Variants in PLAAT4 observed in about 807,000 individuals in gnomAD.
The protein encoded by PLAAT4 is HRAS-like suppressor 4.
Under a neutral mutation model 14.1 loss-of-function variants are expected in PLAAT4, and 12 were observed. The ratio of observed to expected loss-of-function variants is 0.85; its 90% CI spans 0.54 to 1.37. The LOEUF (loss-of-function observed/expected upper bound fraction) is 1.37. Among genes scored for constraint, PLAAT4 ranks in the 40% most tolerant of loss-of-function variants. The pLI, the probability that PLAAT4 is intolerant of heterozygous loss-of-function variation, is 0.00. For missense variants in PLAAT4, 163 were observed against 211.7 expected (o/e 0.77, Z 1.43); for synonymous variants, 77 against 79.8 (o/e 0.96, Z 0.19).
Position 63,546,214 on chromosome 11 carries a change from C to A in PLAAT4, c.453C>A (p.Cys151Ter). The stretch of plus-strand genomic sequence containing the variant: ...TTGGAATCCTGGTTGTTGCTGGATG[C>A]TCTTTTGCGATTAGGAGATACCAAA... The part of the protein sequence containing the change: ...TALGILVVAG[C>*]SFAIRRYQKK... Residue 151 changes from cysteine (C) to a stop codon, truncating the protein, a stop_gained, in exon 4 of 4, where the codon TGC (cysteine) becomes TGA (stop). Transcript: ENST00000255688. LOFTEE classifies it low-confidence loss of function (END_TRUNC). 1 of 1,613,424 alleles carries A rather than the reference C, an allele frequency of 6.2e-7. No individual in the cohort carries two copies. The highest frequency in any genetic ancestry group is 8.5e-7 in the Non-Finnish European group (1 of 1,179,608).
At chr11:63,543,522 C>G (rs2017338093) in intron 2 of PLAAT4, among the ~76,000 whole-genome samples, 1 of 152,224 alleles carries the variant, frequency 6.6e-6, no homozygotes, top group Non-Finnish European at 1.5e-5. Flanking sequence ...CCAGGCTGGT[C>G]TCGAACTCCT....
chr11:63,539,953 C>T (rs1359024342), intron 2 of PLAAT4, among the ~76,000 whole-genome samples: 2 of 152,208 alleles, frequency 1.3e-5, no homozygotes, highest in African/African-American at 4.8e-5. Context: ...AAGAGCAAAA[C>T]TTGATCTCAA....
chr11:63,539,422 A>G, intron 1 of PLAAT4, 94 bp from the exon 2 acceptor site: 1 of 987,816 alleles, frequency 1.0e-6, no homozygotes, highest in Non-Finnish European at 1.6e-6. Context: ...GAACATCAGC[A>G]AGGCGTCTCC....
intron 3 of PLAAT4, among the ~76,000 whole-genome samples, 177 bp from the exon 4 acceptor site, chr11:63,545,972 C>T (rs1395472245): frequency 6.6e-6 from 1 of 152,134 alleles, no homozygotes; most frequent in Non-Finnish European, 1.5e-5. Context: ...GGGATACAAC[C>T]AACGGCTTCT....
intron 2 of PLAAT4, among the ~76,000 whole-genome samples, chr11:63,541,658 T>C (rs530410866): frequency 6.6e-6 from 1 of 151,814 alleles, no homozygotes; most frequent in East Asian, 1.9e-4. Flanking sequence ...ATAAATGGTA[T>C]GAATATATAT....
At chr11:63,543,337 A>G (rs1204734499) in intron 2 of PLAAT4, among the ~76,000 whole-genome samples, 2 of 152,238 alleles carry the variant, frequency 1.3e-5, no homozygotes, top group Admixed American at 6.5e-5. Context: ...TGCAAACCCC[A>G]TTGGGAACTG....
chr11:63,545,545 G>A (rs151333208), intron 3 of PLAAT4, among the ~76,000 whole-genome samples: 37 of 152,276 alleles, frequency 2.4e-4, no homozygotes, highest in African/African-American at 6.5e-4. Flanking sequence ...AGAGTTTGGC[G>A]TGGCATGTGA....
intron 2 of PLAAT4, among the ~76,000 whole-genome samples, chr11:63,540,037 T>C (rs749348705): frequency 3.9e-5 from 6 of 152,218 alleles, no homozygotes; most frequent in Non-Finnish European, 7.3e-5. Flanking sequence ...GGAGACACAT[T>C]CTTCTTAGAG....
At chr11:63,539,411 T>C (rs2017302497) in intron 1 of PLAAT4, 105 bp from the exon 2 acceptor site, 3 of 897,272 alleles carry the variant, frequency 3.3e-6, no homozygotes, top group African/African-American at 1.6e-5. Context: ...TAGCAGCTGA[T>C]GAACATCAGC....
chr11:63,546,116 G>A (rs754401408), intron 3 of PLAAT4, 33 bp from the exon 4 acceptor site: 9 of 1,580,622 alleles, frequency 5.7e-6, no homozygotes, highest in African/African-American at 2.7e-5. Flanking sequence ...CTGGCTTGCC[G>A]TGAACGCTCA....
intron 2 of PLAAT4, 69 bp downstream of exon 2, chr11:63,539,693 G>C: frequency 1.6e-6 from 2 of 1,235,472 alleles, no homozygotes; most frequent in Non-Finnish European, 2.3e-6. Context: ...CGGGCACGGT[G>C]GCTCATGCCT....
rs920316499 is a variant in PLAAT4, at chr11:63,544,495, C to T, written c.119-126C>T. ...ACTCCATCAAAATAAAAAAAAAAAGCAAAATCTGTGAATCCTTCAATCACA... is the reference window on the plus strand; with the variant it reads ...ACTCCATCAAAATAAAAAAAAAAAGTAAAATCTGTGAATCCTTCAATCACA... On this transcript the variant is annotated intron_variant, in intron 2 of 3. Transcript: ENST00000255688. 30 of 1,268,144 alleles carry T rather than the reference C, an allele frequency of 2.4e-5. No individual in the cohort carries two copies. In the African/African-American group the frequency reaches 4.2e-4, roughly 18 times the overall value. 78.6% of individuals were successfully genotyped at this position (1,268,144 alleles called of 1,614,324 possible). A position where few individuals can be genotyped will look rare whatever the true frequency, so the allele number is the denominator to read the frequency against.
At position 63,539,548 on chromosome 11, in the gene PLAAT4, T is replaced by A. The variant is rs1213194204; in HGVS notation, c.42T>A (p.Ile14=). ...PHQEPKPGDL[I]EIFRLGYEHW... ...AAGAGCCCAAACCTGGAGACCTGATTGAGATTTTCCGCCTTGGCTATGAGC... is the reference window on the plus strand; with the variant it reads ...AAGAGCCCAAACCTGGAGACCTGATAGAGATTTTCCGCCTTGGCTATGAGC... Residue 14 remains isoleucine, a synonymous_variant, in exon 2 of 4, where the codon ATT becomes ATA. Coordinates refer to ENST00000255688, the MANE Select transcript of PLAAT4 (RefSeq NM_004585.5). 1.9e-6 allele frequency: 3 copies of A among 1,610,038 alleles called. No individual in the cohort carries two copies. The highest frequency in any genetic ancestry group is 2.7e-5 in the African/African-American group (2 of 74,852).
chr11:63,537,218 G>A (rs956187711), intron 1 of PLAAT4, among the ~76,000 whole-genome samples: 1 of 152,112 alleles, frequency 6.6e-6, no homozygotes, highest in Non-Finnish European at 1.5e-5. Context: ...TGGGAAGCAA[G>A]CAAATCCCAA....
intron 1 of PLAAT4, among the ~76,000 whole-genome samples, chr11:63,539,093 C>CTG (rs1195968777): frequency 6.6e-6 from 1 of 152,164 alleles, no homozygotes; most frequent in Non-Finnish European, 1.5e-5. Context: ...TGATGAGGAA[C>CTG]TGAGGGTCAG....
rs1436380970 is a variant in PLAAT4, at chr11:63,545,171, A to G, written c.387+282A>G. 5.0e-6 allele frequency: 3 copies of G among 594,070 alleles called. No individual in the cohort carries two copies. The East Asian group carries it at 8.3e-5, about 16-fold the overall frequency. The allele number at this position is 594,070 out of a possible 1,614,324, so 36.8% of individuals were successfully genotyped here. A position where few individuals can be genotyped will look rare whatever the true frequency, so the allele number is the denominator to read the frequency against. ...AACCTATCCTGAAAATGGCTCCTGA[A>G]GTTCTGGGGGTCATCAGGAGAATCT... On this transcript the variant is annotated intron_variant, in intron 3 of 3. Coordinates refer to ENST00000255688, the MANE Select transcript of PLAAT4 (RefSeq NM_004585.5).
intron 2 of PLAAT4, among the ~76,000 whole-genome samples, chr11:63,544,134 A>G (rs1210690486): frequency 6.6e-6 from 1 of 152,228 alleles, no homozygotes; most frequent in East Asian, 1.9e-4. Flanking sequence ...TGAACAGGTA[A>G]TAAATATGCT....
chr11:63,543,446 T>C (rs768259837), intron 2 of PLAAT4, among the ~76,000 whole-genome samples: 5 of 152,226 alleles, frequency 3.3e-5, no homozygotes, highest in African/African-American at 4.8e-5. Flanking sequence ...GACGAGATGA[T>C]AGGCGTGTGC....
At chr11:63,540,525 G>T (rs2017313009) in intron 2 of PLAAT4, among the ~76,000 whole-genome samples, 1 of 144,010 alleles carries the variant, frequency 6.9e-6, no homozygotes, top group Non-Finnish European at 1.5e-5. Flanking sequence ...CCAATGAAAG[G>T]GGAAAAAACG....
Sources: gnomAD v4.1 joint callset for allele counts (sites outside exome capture counted in the v4.1 genomes callset) on GRCh38, gnomAD v4.1.1 for gene constraint, MANE v1.5 for transcripts, NCBI Gene and HGNC (gene_info 2026-07-23, HGNC 2026-07-21) for gene names.